Variants in BCAR3 observed in about 807,000 individuals in gnomAD.
The protein encoded by BCAR3 is BCAR3 adaptor protein, NSP family member.
BCAR3 carries 37 observed loss-of-function variants against 80.1 expected under a neutral mutation model. The ratio of observed to expected loss-of-function variants is 0.46; its 90% CI spans 0.36 to 0.61. BCAR3 has a LOEUF of 0.61. Ranked by LOEUF, BCAR3 falls within the 20% of genes least tolerant of loss-of-function variation. The pLI, the probability that BCAR3 is intolerant of heterozygous loss-of-function variation, is 0.00. For missense variants in BCAR3, 978 were observed against 1,068.2 expected, an observed-to-expected ratio of 0.92 and a Z score of 1.18; for synonymous variants, 389 against 418.9, an observed-to-expected ratio of 0.93 and a Z score of 0.87.
Position 93,733,396 on chromosome 1 carries a change from G to A in BCAR3, c.-62-27254C>T, listed in dbSNP as rs1650862110. Among the ~76,000 whole-genome samples, 3 of 152,308 alleles carry A rather than the reference G, an allele frequency of 2.0e-5. No homozygotes were observed. The South Asian group carries it at 6.2e-4, about 32-fold the overall frequency. On this transcript the variant is annotated intron_variant, in intron 2 of 13. Coordinates refer to the BCAR3 transcript ENST00000370244. The stretch of plus-strand genomic sequence containing the variant: ...GGCAGGACAGTGGAGGGGGATTAAG[G>A]ACAAAATGCCCAGGAACAGGAAGCC...
chr1:93,797,758 T>C (rs1259039516), intron 2 of BCAR3, among the ~76,000 whole-genome samples: 2 of 152,162 alleles, frequency 1.3e-5, no homozygotes, highest in African/African-American at 4.8e-5. Context: ...TTAAGTGAAT[T>C]ATCTGTTCAG....
chr1:93,598,536 A>T (rs1359487191), intron 3 of BCAR3, among the ~76,000 whole-genome samples: 1 of 152,224 alleles, frequency 6.6e-6, no homozygotes, highest in Non-Finnish European at 1.5e-5. Context: ...AGTTGCCAGC[A>T]TCTGGCTGCC....
chr1:93,642,216 G>C (rs942666752), intron 3 of BCAR3, 88 bp downstream of exon 3: 66 of 1,432,160 alleles, frequency 4.6e-5, no homozygotes, highest in Non-Finnish European at 6.1e-5. Flanking sequence ...ACACAAACCA[G>C]GCTGCAGCAT....
chr1:93,617,627 C>G (rs980929049), intron 3 of BCAR3, among the ~76,000 whole-genome samples: 2 of 152,264 alleles, frequency 1.3e-5, no homozygotes, highest in African/African-American at 4.8e-5. Flanking sequence ...CCTACTCCCT[C>G]TCCCCTAAAG....
chr1:93,708,276 C>T (rs1649893450), intron 2 of BCAR3, among the ~76,000 whole-genome samples: 1 of 152,226 alleles, frequency 6.6e-6, no homozygotes, highest in African/African-American at 2.4e-5. Context: ...CAGGGTCTCA[C>T]AGAACAATTA....
At chr1:93,562,784 A>G (rs1288012044) in intron 11 of BCAR3, among the ~76,000 whole-genome samples, 2 of 151,540 alleles carry the variant, frequency 1.3e-5, no homozygotes, top group African/African-American at 2.4e-5. Flanking sequence ...AAAAAAAAAA[A>G]AAAAAAATAG....
At chr1:93,730,668 T>C (rs1209220613) in intron 2 of BCAR3, among the ~76,000 whole-genome samples, 1 of 152,158 alleles carries the variant, frequency 6.6e-6, no homozygotes, top group Non-Finnish European at 1.5e-5. Context: ...CCTGGCAAAA[T>C]CCACACATCC....
At chr1:93,588,367 G>C (rs931028554) in intron 5 of BCAR3, among the ~76,000 whole-genome samples, 17 of 151,952 alleles carry the variant, frequency 1.1e-4, no homozygotes, top group African/African-American at 3.6e-4. Flanking sequence ...CTGCAGCCGG[G>C]GCCCTCCATG....
intron 2 of BCAR3, among the ~76,000 whole-genome samples, chr1:93,840,424 T>C (rs1654917336): frequency 6.6e-6 from 1 of 152,232 alleles, no homozygotes. Flanking sequence ...TGTGATGCGT[T>C]ATTACTTCAT....
At position 93,716,445 on chromosome 1, in the gene BCAR3, T is replaced by G. The variant is rs572111613; in HGVS notation, c.-62-10303A>C. Among the ~76,000 whole-genome samples, 10 of 152,306 alleles carry G rather than the reference T, an allele frequency of 6.6e-5. No homozygotes were observed. The South Asian group carries it at 2.1e-3, about 32-fold the overall frequency. ...CTGCTCAAAACCCACTGAAGCTCAA[T>G]CACCTACAAGATAAATTCAAACTCA... On this transcript the variant is annotated intron_variant, in intron 2 of 13. Transcript: ENST00000370244.
At chr1:93,623,876 T>A (rs1557626719) in intron 3 of BCAR3, among the ~76,000 whole-genome samples, 2 of 152,190 alleles carry the variant, frequency 1.3e-5, no homozygotes, top group East Asian at 3.8e-4. Flanking sequence ...CATGAACTGA[T>A]GTTACATGAA....
intron 2 of BCAR3, among the ~76,000 whole-genome samples, chr1:93,767,407 T>C (rs1001459890): frequency 2.0e-5 from 3 of 151,834 alleles, no homozygotes; most frequent in Non-Finnish European, 4.4e-5. Flanking sequence ...GCCTGTAGTC[T>C]CAGTTACTTG....
chr1:93,602,126 T>C (rs1320891957), intron 3 of BCAR3: 1 of 152,176 alleles, frequency 6.6e-6, no homozygotes, highest in African/African-American at 2.4e-5. Context: ...TTCATTTTTT[T>C]TTTTGAGACA....
At chr1:93,602,851 C>T (rs1353298396) in intron 3 of BCAR3, among the ~76,000 whole-genome samples, 1 of 152,198 alleles carries the variant, frequency 6.6e-6, no homozygotes, top group African/African-American at 2.4e-5. Flanking sequence ...AGTACGAGCC[C>T]TTGGGTGTTT....
In BCAR3 at chr1:93,725,939, T is replaced by C. The variant is rs940995918; in HGVS notation, c.-62-19797A>G. ...TTTCTGGGCTCTCTATTCTGTTCCATTGGCCAGTTTTTCCATTCTGGCATC... is the reference window on the plus strand; with the variant it reads ...TTTCTGGGCTCTCTATTCTGTTCCACTGGCCAGTTTTTCCATTCTGGCATC... On this transcript the variant is annotated intron_variant, in intron 2 of 13. Transcript: ENST00000370244. Among the ~76,000 whole-genome samples, 11 of 152,372 alleles carry C rather than the reference T, an allele frequency of 7.2e-5. 1 individual carries two copies. The highest frequency in any genetic ancestry group is 2.6e-4 in the African/African-American group (11 of 41,592).
At position 93,582,654 on chromosome 1, in the gene BCAR3, T is replaced by G. The variant is rs761451887; in HGVS notation, c.1333A>C (p.Lys445Gln). The G allele has an allele frequency of 6.2e-7, 1 of 1,613,962 alleles. No homozygotes were observed. The highest frequency in any genetic ancestry group is 1.1e-5 in the South Asian group (1 of 91,070). The change falls in exon 7 of 12, where the codon AAG (lysine) becomes CAG (glutamine). Residue 445 changes from lysine (K) to glutamine (Q), a missense_variant. Transcript: ENST00000260502. The part of the protein sequence containing the change: ...AFATGCGRGA[K>Q]LPSCAQGSHT... ...CTTCCCTGGGCACATGAGGGTAGCT[T>G]TGCTCCCCTGCCGCAGCCTGTGGCA...
chr1:93,574,279 G>A (rs1410960380), intron 8 of BCAR3, among the ~76,000 whole-genome samples: 2 of 152,220 alleles, frequency 1.3e-5, no homozygotes, highest in East Asian at 3.9e-4. Context: ...CAGTATGCCT[G>A]GAATGGGTGA....
chr1:93,799,661 T>A (rs1653408273), intron 2 of BCAR3, among the ~76,000 whole-genome samples: 1 of 152,234 alleles, frequency 6.6e-6, no homozygotes, highest in Admixed American at 6.5e-5. Flanking sequence ...GGTGTGTTTT[T>A]TACAATCATG....
intron 3 of BCAR3, 36 bp downstream of exon 3, chr1:93,642,268 A>C: frequency 6.2e-7 from 1 of 1,606,028 alleles, no homozygotes; most frequent in Non-Finnish European, 8.5e-7. Context: ...TCTACTACCC[A>C]GGGTCACGGC....
Sources: gnomAD v4.1 joint callset for allele counts (sites outside exome capture counted in the v4.1 genomes callset) on GRCh38, gnomAD v4.1.1 for gene constraint, MANE v1.5 for transcripts, NCBI Gene and HGNC (gene_info 2026-07-23, HGNC 2026-07-21) for gene names.